MFHAS1: variants seen among roughly 807,000 people sequenced by gnomAD.
MFHAS1 encodes multifunctional ROCO family signaling regulator 1.
A neutral mutation model predicts 70.4 loss-of-function variants in MFHAS1; 50 were observed. The ratio of observed to expected loss-of-function variants is 0.71; its 90% CI spans 0.57 to 0.90. The LOEUF is 0.90. Among genes scored for constraint, MFHAS1 ranks in the 40% least tolerant of loss-of-function variants. The pLI, the probability that MFHAS1 is intolerant of heterozygous loss-of-function variation, is 0.00. For synonymous variants in MFHAS1, 952 were observed against 620.0 expected, an observed-to-expected ratio of 1.54 and a Z score of -7.96; for missense variants, 1,795 against 1,347.6, an observed-to-expected ratio of 1.33 and a Z score of -5.20.
At chr8:8,889,312 T>G (rs1050789607) in intron 1 of MFHAS1, among the ~76,000 whole-genome samples, 1 of 152,198 alleles carries the variant, frequency 6.6e-6, no homozygotes, top group Admixed American at 6.5e-5. Context: ...CTATCTTCCA[T>G]GTCCCTGAGT....
chr8:8,892,984 C>A lies in MFHAS1; in HGVS notation c.75G>T (p.Leu25=). 6.5e-7 allele frequency: 1 copy of A among 1,538,418 alleles called. No individual in the cohort carries two copies. ...GCGTGAGCTGGCGCAGGTTGCTCCG[C>A]AGCTTCCTGGCACGCAGGGCGGCGT... ...WRDAALRARK[L]RSNLRQLTLT... Residue 25 remains leucine (L), a synonymous_variant, in exon 1 of 3, where the codon CTG becomes CTT. Transcript: ENST00000276282. This position sits in a 1 kb window ranked among gnomAD's most constrained non-coding sequence, Gnocchi z 4.7.
chr8:8,798,046 A>C (rs1215645770), intron 1 of MFHAS1, among the ~76,000 whole-genome samples: 3 of 152,246 alleles, frequency 2.0e-5, no homozygotes, highest in Non-Finnish European at 4.4e-5. Flanking sequence ...TGTGTGAAGC[A>C]GATGCACGAC....
intron 1 of MFHAS1, among the ~76,000 whole-genome samples, chr8:8,866,023 A>G (rs2116898257): frequency 6.6e-6 from 1 of 152,362 alleles, no homozygotes; most frequent in South Asian, 2.1e-4. Flanking sequence ...AGGTGATGAC[A>G]GAGAAGCTGA....
intron 1 of MFHAS1, among the ~76,000 whole-genome samples, chr8:8,879,002 C>G (rs1251041114): frequency 2.0e-5 from 3 of 152,138 alleles, no homozygotes; most frequent in Non-Finnish European, 4.4e-5. Context: ...TCAGAAATGA[C>G]TGATGATTTG....
At chr8:8,812,489 G>C (rs1806585589) in intron 1 of MFHAS1, among the ~76,000 whole-genome samples, 1 of 152,160 alleles carries the variant, frequency 6.6e-6, no homozygotes, top group South Asian at 2.1e-4. Flanking sequence ...AAGACAGTAA[G>C]CTGGGGCAAT....
intron 2 of MFHAS1, among the ~76,000 whole-genome samples, chr8:8,796,818 AC>A (rs1805917503): frequency 6.6e-6 from 1 of 151,354 alleles, no homozygotes; most frequent in Non-Finnish European, 1.5e-5. Flanking sequence ...ACAGGGTGAA[AC>A]CCTGTCTCTA....
chr8:8,848,900 T>C (rs1199413247), intron 1 of MFHAS1, among the ~76,000 whole-genome samples: 3 of 152,172 alleles, frequency 2.0e-5, no homozygotes, highest in African/African-American at 7.2e-5. Flanking sequence ...AGTTACCTTT[T>C]TTCTTCTGAA....
intron 1 of MFHAS1, among the ~76,000 whole-genome samples, chr8:8,881,631 T>A (rs1431257858): frequency 6.6e-6 from 1 of 152,010 alleles, no homozygotes; most frequent in Non-Finnish European, 1.5e-5. Context: ...GTCAGGAGTT[T>A]GAGATCAGCC....
At chr8:8,797,219 C>A in intron 2 of MFHAS1, 146 bp downstream of exon 2, 1 of 782,268 alleles carries the variant, frequency 1.3e-6, no homozygotes, top group Non-Finnish European at 1.9e-6. Context: ...AATCATGATG[C>A]TGATGTCATC....
intron 1 of MFHAS1, among the ~76,000 whole-genome samples, chr8:8,877,960 G>A (rs1259552347): frequency 6.6e-6 from 1 of 152,154 alleles, no homozygotes; most frequent in African/African-American, 2.4e-5. Context: ...GTCTTTGTCT[G>A]CTCCCTGCCT....
At chr8:8,852,599 A>C (rs1808289112) in intron 1 of MFHAS1, among the ~76,000 whole-genome samples, 1 of 152,196 alleles carries the variant, frequency 6.6e-6, no homozygotes. Context: ...TCTTTGCAAA[A>C]TAATTGGTTC....
At chr8:8,845,708 T>TG (rs1191617112) in intron 1 of MFHAS1, among the ~76,000 whole-genome samples, 3 of 152,162 alleles carry the variant, frequency 2.0e-5, no homozygotes, top group African/African-American at 7.2e-5. Context: ...CTTATCCCTA[T>TG]AGAAAAGCAT....
intron 1 of MFHAS1, among the ~76,000 whole-genome samples, chr8:8,828,872 C>T (rs931755321): frequency 3.3e-5 from 5 of 152,124 alleles, no homozygotes; most frequent in Non-Finnish European, 7.4e-5. Flanking sequence ...GACTAGTGGC[C>T]GAGCTCTTAT....
At chr8:8,848,958 C>T (rs1041359909) in intron 1 of MFHAS1, among the ~76,000 whole-genome samples, 16 of 151,072 alleles carry the variant, frequency 1.1e-4, no homozygotes, top group Non-Finnish European at 2.4e-4. Flanking sequence ...ATTATACTTA[C>T]TTTTTTCTTA....
intron 1 of MFHAS1, among the ~76,000 whole-genome samples, chr8:8,872,834 C>G (rs1267565619): frequency 2.6e-5 from 4 of 152,214 alleles, no homozygotes; most frequent in Middle Eastern, 6.8e-3. Context: ...ACAGAGCATG[C>G]ACATGTGTGT....
At position 8,893,158 on chromosome 8, in the gene MFHAS1, C is replaced by T. The variant is rs1810165635; in HGVS notation, c.-100G>A. ...TCCGGCTCCTGCCCCTGCCTGCCCTCCCGCGCTCGGCGGCCGGCGGCCGCG... is the reference window on the plus strand; with the variant it reads ...TCCGGCTCCTGCCCCTGCCTGCCCTTCCGCGCTCGGCGGCCGGCGGCCGCG... On this transcript the variant is annotated 5_prime_UTR_variant, in exon 1 of 3. Coordinates refer to ENST00000276282, the MANE Select transcript of MFHAS1 (RefSeq NM_004225.3). 5 of 779,372 alleles carry T rather than the reference C, an allele frequency of 6.4e-6. No individual in the cohort carries two copies. In the South Asian group the frequency reaches 1.8e-4, roughly 29 times the overall value. 48.3% of individuals were successfully genotyped at this position (779,372 alleles called of 1,614,324 possible).
chr8:8,809,995 A>T (rs1020168569), intron 1 of MFHAS1, among the ~76,000 whole-genome samples: 2 of 152,224 alleles, frequency 1.3e-5, no homozygotes, highest in Non-Finnish European at 2.9e-5. Flanking sequence ...TGAAATTATA[A>T]AACTAGCGCC....
chr8:8,793,694 C>G (rs1043594350), intron 2 of MFHAS1, among the ~76,000 whole-genome samples: 1 of 152,228 alleles, frequency 6.6e-6, no homozygotes, highest in Non-Finnish European at 1.5e-5. Context: ...TGCCTTTGTG[C>G]TGCAGAGCAG....
chr8:8,832,301 A>G (rs1010413629), intron 1 of MFHAS1, among the ~76,000 whole-genome samples: 2 of 152,160 alleles, frequency 1.3e-5, no homozygotes, highest in African/African-American at 4.8e-5. Flanking sequence ...CTGGGAGAAC[A>G]TGTTTGTAAT....
Sources: gnomAD v4.1 joint callset for allele counts (sites outside exome capture counted in the v4.1 genomes callset) on GRCh38, gnomAD v4.1.1 for gene constraint, Gnocchi (gnomAD v3.1) non-coding constraint, MANE v1.5 for transcripts, NCBI Gene and HGNC (gene_info 2026-07-23, HGNC 2026-07-21) for gene names.